The following NALF1 variants were observed in gnomAD, a reference collection of about 807,000 sequenced individuals.
NALF1 encodes the protein NALCN channel auxiliary factor 1.
Under a neutral mutation model 48.4 loss-of-function variants are expected in NALF1, and 3 were observed. The ratio of observed to expected loss-of-function variants is 0.06; its 90% CI spans 0.03 to 0.16. The LOEUF (loss-of-function observed/expected upper bound fraction) is 0.16, where lower values mean the gene tolerates loss of function less well. Among genes scored for constraint, NALF1 ranks in the 10% least tolerant of loss-of-function variants. The pLI is 1.00. For synonymous variants in NALF1, 262 were observed against 245.7 expected (o/e 1.07, Z -0.62); for missense variants, 526 against 571.5 (o/e 0.92, Z 0.81).
intron 2 of NALF1, among the ~76,000 whole-genome samples, chr13:107,190,982 C>T (rs376500165): frequency 1.2e-3 from 187 of 152,284 alleles, no homozygotes; most frequent in African/African-American, 3.9e-3. Flanking sequence ...GCATATTTTT[C>T]ACTGATTGAT....
intron 1 of NALF1, among the ~76,000 whole-genome samples, chr13:107,654,695 A>T (rs1223613826): frequency 6.6e-6 from 1 of 152,104 alleles, no homozygotes; most frequent in Non-Finnish European, 1.5e-5. Flanking sequence ...ATAACAAAAA[A>T]AAAAGAAAAC....
At position 107,773,599 on chromosome 13, in the gene NALF1, C is replaced by T. The variant is rs372563697; in HGVS notation, c.915+92083G>A. Among the ~76,000 whole-genome samples the T allele has an allele frequency of 2.6e-4, 39 of 151,426 alleles. No homozygotes were observed. In the East Asian group the frequency reaches 5.6e-3, roughly 22 times the overall value. On this transcript the variant is annotated intron_variant, in intron 1 of 2. Coordinates refer to ENST00000375915, the MANE Select transcript of NALF1 (RefSeq NM_001080396.3). Reference sequence around the variant, plus strand: ...ATCTCTTATTTTTAACAACAGTATGCGTTTTTAGGCTTTGATTTCCTTATC... The same window carrying T: ...ATCTCTTATTTTTAACAACAGTATGTGTTTTTAGGCTTTGATTTCCTTATC...
intron 1 of NALF1, among the ~76,000 whole-genome samples, chr13:107,282,956 T>C (rs1325192283): frequency 6.6e-6 from 1 of 152,224 alleles, no homozygotes; most frequent in East Asian, 1.9e-4. Flanking sequence ...TAAAGGGAAA[T>C]AATTAAAAGT....
At chr13:107,585,797 A>G (rs1878437999) in intron 1 of NALF1, among the ~76,000 whole-genome samples, 1 of 152,090 alleles carries the variant, frequency 6.6e-6, no homozygotes, top group African/African-American at 2.4e-5. Flanking sequence ...ACCACATACC[A>G]ATTTCATAAA....
intron 1 of NALF1, among the ~76,000 whole-genome samples, chr13:107,334,447 C>T (rs1455113253): frequency 6.6e-6 from 1 of 152,154 alleles, no homozygotes; most frequent in African/African-American, 2.4e-5. Context: ...CTCTGGCTCT[C>T]TAGAAGGATC....
chr13:107,786,250 C>G lies in NALF1; in HGVS notation c.915+79432G>C, dbSNP rs113925310. On this transcript the variant is annotated intron_variant, in intron 1 of 2. Transcript: ENST00000375915. ...TGACCAACATGGTGAAACGCCATCT[C>G]TACTAAAAATACAAAATTAGCTGAG... Among the ~76,000 whole-genome samples the G allele has an allele frequency of 1.6e-4, 24 of 151,702 alleles. 1 individual carries two copies. Among genetic ancestry groups the G allele is most frequent in the African/African-American group, 5.3e-4 (22 of 41,354 alleles).
intron 1 of NALF1, among the ~76,000 whole-genome samples, chr13:107,718,428 T>C (rs1789890966): frequency 1.3e-5 from 2 of 152,172 alleles, no homozygotes; most frequent in Non-Finnish European, 2.9e-5. Flanking sequence ...ACCTACCTAG[T>C]GGCTACCACA....
intron 1 of NALF1, among the ~76,000 whole-genome samples, chr13:107,398,416 A>T (rs1883749928): frequency 6.6e-6 from 1 of 151,664 alleles, no homozygotes; most frequent in Admixed American, 6.6e-5. Context: ...AACAGTATAG[A>T]CTAAACAATG....
chr13:107,389,032 G>A (rs1444168738), intron 1 of NALF1, among the ~76,000 whole-genome samples: 5 of 152,262 alleles, frequency 3.3e-5, no homozygotes, highest in Non-Finnish European at 7.4e-5. Context: ...TAAAATAGTC[G>A]CCGCACTGAG....
intron 2 of NALF1, among the ~76,000 whole-genome samples, chr13:107,205,608 T>A (rs1879624174): frequency 6.6e-6 from 1 of 151,786 alleles, no homozygotes; most frequent in African/African-American, 2.4e-5. Context: ...CTGTCACAGC[T>A]CAAAAAGAAA....
At chr13:107,183,841 C>T (rs1048913663) in intron 2 of NALF1, among the ~76,000 whole-genome samples, 1 of 151,906 alleles carries the variant, frequency 6.6e-6, no homozygotes, top group African/African-American at 2.4e-5. Flanking sequence ...CAGGGCCTGT[C>T]GAGGGGAGGA....
intron 1 of NALF1, among the ~76,000 whole-genome samples, chr13:107,610,090 C>T (rs1445949166): frequency 1.3e-5 from 2 of 151,942 alleles, no homozygotes; most frequent in Non-Finnish European, 2.9e-5. Flanking sequence ...TTTACACAAA[C>T]GTAAATGGTC....
At chr13:107,343,703 G>C (rs1882723150) in intron 1 of NALF1, among the ~76,000 whole-genome samples, 1 of 151,956 alleles carries the variant, frequency 6.6e-6, no homozygotes, top group Admixed American at 6.6e-5. Context: ...AAAGCTTATG[G>C]GATGCAGCCA....
intron 1 of NALF1, among the ~76,000 whole-genome samples, chr13:107,513,260 T>C (rs1306028436): frequency 6.6e-6 from 1 of 152,238 alleles, no homozygotes; most frequent in East Asian, 1.9e-4. Context: ...TGATGCTTTC[T>C]GGCAAAATAA....
intron 1 of NALF1, among the ~76,000 whole-genome samples, chr13:107,778,574 A>C (rs758888359): frequency 2.2e-4 from 34 of 152,330 alleles, no homozygotes; most frequent in Middle Eastern, 3.4e-3. Flanking sequence ...GGCTAGGATT[A>C]AAACAGGAGT....
chr13:107,430,155 C>T (rs548591667), intron 1 of NALF1, among the ~76,000 whole-genome samples: 9 of 152,076 alleles, frequency 5.9e-5, no homozygotes, highest in South Asian at 2.1e-4. Context: ...TCCAAACATC[C>T]GAATACATTT....
intron 1 of NALF1, among the ~76,000 whole-genome samples, chr13:107,289,787 G>A (rs1881577936): frequency 6.6e-6 from 1 of 152,062 alleles, no homozygotes; most frequent in South Asian, 2.1e-4. Flanking sequence ...AGAATAGCTT[G>A]GAATATAGAT....
At chr13:107,856,461 G>A (rs968929338) in intron 1 of NALF1, among the ~76,000 whole-genome samples, 2 of 152,136 alleles carry the variant, frequency 1.3e-5, no homozygotes, top group Non-Finnish European at 2.9e-5. Context: ...ATATTAGCAA[G>A]AGCAAACAAT....
At chr13:107,293,081 C>CAA (rs1881657545) in intron 1 of NALF1, among the ~76,000 whole-genome samples, 2 of 149,840 alleles carry the variant, frequency 1.3e-5, no homozygotes, top group Admixed American at 1.3e-4. Context: ...CCTGGGTTCA[C>CAA]GCTATTCTCT....
Sources: allele counts gnomAD v4.1 joint callset (sites outside exome capture counted in the v4.1 genomes callset), GRCh38; gene constraint gnomAD v4.1.1; transcripts MANE v1.5; gene names NCBI Gene and HGNC (gene_info 2026-07-23, HGNC 2026-07-21).